CASD1: variants seen among roughly 807,000 people sequenced by gnomAD.
CASD1 encodes N-acetylneuraminate (7)9-O-acetyltransferase.
Under a neutral mutation model 100.0 loss-of-function variants are expected in CASD1, and 41 were observed. That is an observed-to-expected ratio of 0.41 (90% CI 0.32 to 0.53). CASD1 has a LOEUF of 0.53. CASD1 is among the 20% of genes least tolerant of loss of function. The pLI, the probability that CASD1 is intolerant of heterozygous loss-of-function variation, is 0.25. For missense variants in CASD1, 774 were observed against 948.7 expected (o/e 0.82, Z 2.42); for synonymous variants, 321 against 315.6 (o/e 1.02, Z -0.18).
chr7:94,599,692 C>G, the CASD1 span: 8 of 1,609,560 alleles, frequency 5.0e-6, no homozygotes, highest in Non-Finnish European at 6.8e-6. Flanking sequence ...AAAGAAGACA[C>G]TTACTCTGGT....
chr7:94,614,107 C>CAAAAAAAAAAA, the CASD1 span, among the ~76,000 whole-genome samples: 12 of 94,890 alleles, frequency 1.3e-4, no homozygotes, highest in Admixed American at 3.1e-4. Context: ...AAATTGAAAT[C>CAAAAAAAAAAA]AAAAAAAAAA....
intron 16 of CASD1, 115 bp from the exon 17 acceptor site, chr7:94,554,368 A>C (rs574869852): frequency 2.2e-5 from 14 of 644,746 alleles, no homozygotes; most frequent in Admixed American, 1.7e-4. Context: ...AGACTGTTGT[A>C]TATGTGTCAA....
At chr7:94,618,291 C>T in the CASD1 span, 1 of 163,160 alleles carries the variant, frequency 6.1e-6, no homozygotes, top group African/African-American at 2.4e-5. Context: ...CAAGGTCAGG[C>T]TTTAGGCCTT....
chr7:94,510,472 G>T (rs1385880076), intron 1 of CASD1, among the ~76,000 whole-genome samples: 1 of 152,204 alleles, frequency 6.6e-6, no homozygotes, highest in Non-Finnish European at 1.5e-5. Context: ...GGTCGGGGGC[G>T]CCAACCCTGG....
At chr7:94,609,915 T>C in the CASD1 span, among the ~76,000 whole-genome samples, 2 of 152,306 alleles carry the variant, frequency 1.3e-5, no homozygotes, top group South Asian at 2.1e-4. Flanking sequence ...TGGATATCTA[T>C]AGCAGCTTTG....
the CASD1 span, among the ~76,000 whole-genome samples, chr7:94,568,651 T>TA: frequency 1.3e-5 from 2 of 152,200 alleles, no homozygotes; most frequent in African/African-American, 4.8e-5. Flanking sequence ...TGCTATGGTC[T>TA]GAATGTGTAT....
chr7:94,619,130 C>T, the CASD1 span: 11 of 615,014 alleles, frequency 1.8e-5, no homozygotes, highest in Non-Finnish European at 3.2e-5. Flanking sequence ...AAAAACATAA[C>T]TGACATTAGA....
downstream of CASD1, among the ~76,000 whole-genome samples, chr7:94,557,526 T>C (rs1796248527): frequency 1.3e-5 from 2 of 152,094 alleles, no homozygotes; most frequent in Non-Finnish European, 2.9e-5. Context: ...TTAATTTAGC[T>C]TGTAAGTTTT....
At chr7:94,602,886 A>C in the CASD1 span, among the ~76,000 whole-genome samples, 2 of 152,158 alleles carry the variant, frequency 1.3e-5, no homozygotes, top group African/African-American at 4.8e-5. Flanking sequence ...ATCATAGCAC[A>C]ATACTGCTTT....
At chr7:94,564,935 A>G in the CASD1 span, among the ~76,000 whole-genome samples, 1 of 152,058 alleles carries the variant, frequency 6.6e-6, no homozygotes, top group South Asian at 2.1e-4. Flanking sequence ...TGGGTTCCAG[A>G]TCTGAACATA....
At chr7:94,608,258 C>T in the CASD1 span, among the ~76,000 whole-genome samples, 5 of 152,206 alleles carry the variant, frequency 3.3e-5, no homozygotes, top group African/African-American at 7.2e-5. Flanking sequence ...AGGGGTTGAA[C>T]CCAGGAGGCA....
the CASD1 span, chr7:94,598,468 C>CT: frequency 1.5e-4 from 47 of 321,288 alleles, 1 homozygote; most frequent in South Asian, 6.4e-4. Context: ...GGATATGGTT[C>CT]TTTTTTTTAT....
Position 94,527,088 on chromosome 7 carries a change from A to G in CASD1, c.352-74A>G. 3.7e-6 allele frequency: 4 copies of G among 1,083,652 alleles called. No individual in the cohort carries two copies. In the South Asian group the frequency reaches 5.6e-5, roughly 15 times the overall value. The allele number at this position is 1,083,652 out of a possible 1,614,324, so 67.1% of individuals were successfully genotyped here. On this transcript the variant is annotated intron_variant, in intron 3 of 17. Transcript: ENST00000297273. Reference sequence around the variant, plus strand: ...CAAAAATATGCATAAAAATAAATCAAAGCAGCTAAATGGGGCATTTTTTAT... The same window carrying G: ...CAAAAATATGCATAAAAATAAATCAGAGCAGCTAAATGGGGCATTTTTTAT...
the CASD1 span, among the ~76,000 whole-genome samples, chr7:94,604,883 T>C: frequency 8.1e-6 from 1 of 122,756 alleles, no homozygotes; most frequent in Non-Finnish European, 1.7e-5. Flanking sequence ...CTAATGGTGC[T>C]GGAAAAACTG....
At chr7:94,601,443 C>CAAAAAAAAAAAA in the CASD1 span, among the ~76,000 whole-genome samples, 95 of 89,280 alleles carry the variant, frequency 1.1e-3, 19 homozygotes, top group African/African-American at 3.5e-3. Context: ...ATCCCAGTAT[C>CAAAAAAAAAAAA]AAAAAAAAAA....
At chr7:94,599,124 A>C in the CASD1 span, 1 of 584,068 alleles carries the variant, frequency 1.7e-6, no homozygotes, top group Non-Finnish European at 3.0e-6. Flanking sequence ...CATACATCTC[A>C]CATACTTTTA....
chr7:94,632,680 C>T, the CASD1 span, among the ~76,000 whole-genome samples: 5 of 152,082 alleles, frequency 3.3e-5, no homozygotes, highest in Admixed American at 2.6e-4. Flanking sequence ...AAATTACAGG[C>T]ACCCACACAA....
intron 9 of CASD1, 116 bp downstream of exon 9, chr7:94,538,010 G>A (rs1795202235): frequency 6.2e-6 from 4 of 645,920 alleles, no homozygotes; most frequent in Non-Finnish European, 1.0e-5. Flanking sequence ...TAGAGATGAA[G>A]ATGAAGGAAG....
the CASD1 span, among the ~76,000 whole-genome samples, chr7:94,604,991 A>T: frequency 5.3e-5 from 8 of 151,658 alleles, no homozygotes; most frequent in African/African-American, 1.9e-4. Context: ...TTGAAAACTA[A>T]TCATAGAATT....
Sources: gnomAD v4.1 joint callset for allele counts (sites outside exome capture counted in the v4.1 genomes callset) on GRCh38, gnomAD v4.1.1 for gene constraint, MANE v1.5 for transcripts, NCBI Gene and HGNC (gene_info 2026-07-23, HGNC 2026-07-21) for gene names.